ESRRG: variants seen among roughly 807,000 people sequenced by gnomAD.
ESRRG encodes the protein estrogen related receptor gamma.
Under a neutral mutation model 44.0 loss-of-function variants are expected in ESRRG, and 13 were observed. That is an observed-to-expected ratio of 0.30 (90% CI 0.19 to 0.47). The LOEUF is 0.47. Among genes scored for constraint, ESRRG ranks in the 20% least tolerant of loss-of-function variants. The pLI is 1.00. For missense variants in ESRRG, 395 were observed against 580.6 expected (o/e 0.68, Z 3.29); for synonymous variants, 215 against 214.6 (o/e 1.00, Z -0.02).
chr1:216,541,650 G>C (rs2052818168), intron 5 of ESRRG, among the ~76,000 whole-genome samples: 1 of 150,662 alleles, frequency 6.6e-6, no homozygotes, highest in Admixed American at 6.6e-5. Flanking sequence ...CTTAAGATGA[G>C]GGACATATAA....
At chr1:217,009,048 A>C (rs975294883) in intron 1 of ESRRG, among the ~76,000 whole-genome samples, 1 of 152,186 alleles carries the variant, frequency 6.6e-6, no homozygotes, top group Non-Finnish European at 1.5e-5. Flanking sequence ...CTCATTCTTC[A>C]TGGTAAAAAA....
chr1:216,704,956 C>G (rs1258892982), intron 1 of ESRRG, among the ~76,000 whole-genome samples: 1 of 152,108 alleles, frequency 6.6e-6, no homozygotes, highest in South Asian at 2.1e-4. Flanking sequence ...TCTTCCTAGT[C>G]CACAATGACA....
At chr1:216,744,786 C>T (rs1489736528) in intron 2 of ESRRG, among the ~76,000 whole-genome samples, 1 of 152,166 alleles carries the variant, frequency 6.6e-6, no homozygotes, top group Non-Finnish European at 1.5e-5. Context: ...ATTGAAGCTA[C>T]ATCAGCCTTC....
intron 3 of ESRRG, among the ~76,000 whole-genome samples, chr1:216,615,917 C>A: frequency 6.6e-6 from 1 of 152,030 alleles, no homozygotes; most frequent in East Asian, 1.9e-4. Flanking sequence ...GACTCCCGAC[C>A]TCAGGAGATC....
intron 1 of ESRRG, among the ~76,000 whole-genome samples, chr1:217,008,721 T>C (rs1320901616): frequency 6.6e-6 from 1 of 152,216 alleles, no homozygotes; most frequent in East Asian, 1.9e-4. Flanking sequence ...TCAGGGACAG[T>C]GGCTCTTGAT....
At chr1:216,539,835 A>C (rs1177343159) in intron 5 of ESRRG, among the ~76,000 whole-genome samples, 1 of 150,490 alleles carries the variant, frequency 6.6e-6, no homozygotes, top group Non-Finnish European at 1.5e-5. Flanking sequence ...CCTTTGACGC[A>C]AAAAAAAAGC....
At chr1:216,784,549 C>T (rs2094054391) in intron 2 of ESRRG, among the ~76,000 whole-genome samples, 1 of 151,958 alleles carries the variant, frequency 6.6e-6, no homozygotes, top group Non-Finnish European at 1.5e-5. Context: ...TAAAACATAA[C>T]AATTTATTCC....
At chr1:216,710,962 A>G (rs1348866897) in intron 1 of ESRRG, among the ~76,000 whole-genome samples, 1 of 152,174 alleles carries the variant, frequency 6.6e-6, no homozygotes, top group African/African-American at 2.4e-5. Flanking sequence ...GTTTCAGTAA[A>G]CGATGCCCAC....
At chr1:217,069,230 C>T (rs1043276864) in intron 1 of ESRRG, among the ~76,000 whole-genome samples, 8 of 152,130 alleles carry the variant, frequency 5.3e-5, no homozygotes, top group Admixed American at 1.3e-4. Context: ...ATCTTTCTTC[C>T]GTGGTGGATC....
At chr1:216,893,395 T>C (rs1342029584) in intron 2 of ESRRG, among the ~76,000 whole-genome samples, 1 of 152,198 alleles carries the variant, frequency 6.6e-6, no homozygotes, top group African/African-American at 2.4e-5. Context: ...GTGTCTAATG[T>C]AGTGCCAGGG....
chr1:216,733,610 CA>C lies in ESRRG; in HGVS notation c.-13-56120del, dbSNP rs1159304687. Among the ~76,000 whole-genome samples the C allele has an allele frequency of 2.0e-5, 3 of 151,934 alleles. No individual in the cohort carries two copies. In the East Asian group the frequency reaches 5.8e-4, roughly 29 times the overall value. On this transcript the variant is annotated intron_variant, in intron 2 of 7. Transcript: ENST00000359162. ...TTACATATTTATAAATAAACCATTG[CA>C]AAAAAAGCGGTGGGTTCCTTTTCTT...
chr1:217,013,781 G>A (rs2078967491), intron 1 of ESRRG, among the ~76,000 whole-genome samples: 1 of 124,394 alleles, frequency 8.0e-6, no homozygotes, highest in African/African-American at 3.3e-5. Context: ...CCCCCTGAAA[G>A]AGTGGCCAAG....
intron 1 of ESRRG, among the ~76,000 whole-genome samples, chr1:216,685,305 A>C (rs2077727826): frequency 1.3e-5 from 2 of 152,208 alleles, no homozygotes; most frequent in Admixed American, 1.3e-4. Flanking sequence ...TATATGCTGA[A>C]TGTAACATTT....
intron 1 of ESRRG, among the ~76,000 whole-genome samples, chr1:216,697,989 T>C (rs2080523577): frequency 6.6e-6 from 1 of 152,178 alleles, no homozygotes; most frequent in Non-Finnish European, 1.5e-5. Context: ...CCTCAGTAGC[T>C]GCTGGCCACA....
At chr1:216,581,776 A>G (rs981595035) in intron 3 of ESRRG, among the ~76,000 whole-genome samples, 1 of 152,188 alleles carries the variant, frequency 6.6e-6, no homozygotes, top group Non-Finnish European at 1.5e-5. Context: ...GGCAATCTTG[A>G]ATGTGAGTTC....
At chr1:216,900,281 C>T (rs750044052) in intron 2 of ESRRG, among the ~76,000 whole-genome samples, 2 of 152,092 alleles carry the variant, frequency 1.3e-5, no homozygotes, top group Non-Finnish European at 2.9e-5. Context: ...GCTCCTGGGC[C>T]GACAACTTGC....
chr1:216,566,908 G>A (rs1043724920), intron 4 of ESRRG, among the ~76,000 whole-genome samples: 1 of 152,138 alleles, frequency 6.6e-6, no homozygotes, highest in Admixed American at 6.5e-5. Flanking sequence ...CTTTGACATA[G>A]CTAAAATGTC....
chr1:216,888,236 C>T (rs1485913615), intron 2 of ESRRG, among the ~76,000 whole-genome samples: 2 of 152,256 alleles, frequency 1.3e-5, no homozygotes, highest in East Asian at 1.9e-4. Flanking sequence ...GGCAACAATT[C>T]GTTATTACAG....
intron 1 of ESRRG, among the ~76,000 whole-genome samples, chr1:217,037,509 C>A (rs932169265): frequency 6.6e-6 from 1 of 152,100 alleles, no homozygotes; most frequent in Non-Finnish European, 1.5e-5. Flanking sequence ...AGACCCAAAC[C>A]CATGATTCAA....
Sources: gnomAD v4.1 joint callset for allele counts (sites outside exome capture counted in the v4.1 genomes callset) on GRCh38, gnomAD v4.1.1 for gene constraint, MANE v1.5 for transcripts, NCBI Gene and HGNC (gene_info 2026-07-23, HGNC 2026-07-21) for gene names.